DCD: variants seen among roughly 807,000 people sequenced by gnomAD.
The protein encoded by DCD is dermcidin, also known as diffusible survival/evasion peptide.
Under a neutral mutation model 14.5 loss-of-function variants are expected in DCD, and 17 were observed. The observed-to-expected ratio is 1.18, with a 90% CI of 0.81 to 1.76. DCD has a LOEUF of 1.76. Among genes scored for constraint, DCD ranks in the 40% most tolerant of loss-of-function variants. The pLI is 0.00. For missense variants in DCD, 139 were observed against 133.4 expected (o/e 1.04, Z -0.21); for synonymous variants, 64 against 54.0 (o/e 1.19, Z -0.82).
At chr12:54,646,995 T>C (rs1958266224) in intron 2 of DCD, 126 bp downstream of exon 2, 1 of 907,636 alleles carries the variant, frequency 1.1e-6, no homozygotes, top group Non-Finnish European at 1.6e-6. Flanking sequence ...CCATGTCTCC[T>C]AAAAGTCGGC....
intron 3 of DCD, 23 bp downstream of exon 3, chr12:54,645,583 C>A (rs1249903947): frequency 6.3e-7 from 1 of 1,599,738 alleles, no homozygotes; most frequent in African/African-American, 1.3e-5. Flanking sequence ...AATTCTATAC[C>A]AGGCATTGGG....
chr12:54,646,066 C>A (rs889515956), intron 2 of DCD: 23 of 459,638 alleles, frequency 5.0e-5, no homozygotes, highest in Non-Finnish European at 7.8e-5. Context: ...TAGCTTCTCT[C>A]TTCTAGGCAG....
intron 1 of DCD, among the ~76,000 whole-genome samples, chr12:54,647,782 A>C (rs913447921): frequency 1.2e-4 from 18 of 152,172 alleles, no homozygotes; most frequent in African/African-American, 4.1e-4. Flanking sequence ...AAGAAAATGC[A>C]AAATAGGGGC....
chr12:54,645,102 C>G, intron 4 of DCD, 71 bp downstream of exon 4: 1 of 1,543,332 alleles, frequency 6.5e-7, no homozygotes, highest in Non-Finnish European at 9.0e-7. Flanking sequence ...GGGGCTGTGG[C>G]AGTTTCAGAT....
Position 54,645,958 on chromosome 12 carries a change from TAA to T in DCD, c.98-253_98-252del, listed in dbSNP as rs139019728. 3.6e-3 allele frequency: 1,903 copies of T among 525,956 alleles called. 35 individuals carry two copies. The highest frequency in any genetic ancestry group is 0.031 in the African/African-American group (1,635 of 52,322). 32.6% of individuals were successfully genotyped at this position (525,956 alleles called of 1,614,324 possible). A position where few individuals can be genotyped will look rare whatever the true frequency, so the allele number is the denominator to read the frequency against. ...GAGTAGATTATGGTTCAGGGAAAAG[TAA>T]AGTCATTTTGGCAGAAAGATCACCT... On this transcript the variant is annotated intron_variant, in intron 2 of 4. Coordinates refer to ENST00000293371, the MANE Select transcript of DCD (RefSeq NM_053283.4).
intron 1 of DCD, 86 bp from the exon 2 acceptor site, chr12:54,647,245 C>T: frequency 7.5e-7 from 1 of 1,338,054 alleles, no homozygotes. Flanking sequence ...ATTCCCAGGC[C>T]TCTAATCTCA....
intron 4 of DCD, 154 bp downstream of exon 4, chr12:54,645,019 C>G: frequency 6.7e-7 from 1 of 1,499,280 alleles, no homozygotes. Context: ...CAATATCAGA[C>G]AAGAATGGCA....
chr12:54,645,581 A>G (rs1396473394), intron 3 of DCD, 25 bp downstream of exon 3: 9 of 1,595,674 alleles, frequency 5.6e-6, no homozygotes, highest in Non-Finnish European at 7.7e-6. Flanking sequence ...AGAATTCTAT[A>G]CCAGGCATTG....
In DCD at chr12:54,648,293, A is replaced by G. The variant is rs371654950; in HGVS notation, c.11T>C (p.Met4Thr). Reference protein sequence around the residue: MRFMTLLFLTALAG... With the variant: MRFTTLLFLTALAG... ...CAGAGCTGTCAGGAAGAGGAGAGTCATGAACCTCATGCTTCTGTGTGCTGG... is the reference window on the plus strand; with the variant it reads ...CAGAGCTGTCAGGAAGAGGAGAGTCGTGAACCTCATGCTTCTGTGTGCTGG... The change falls in exon 1 of 5, where the codon ATG becomes ACG. Residue 4 changes from methionine (M) to threonine (T), a missense_variant. Coordinates refer to ENST00000293371, the MANE Select transcript of DCD (RefSeq NM_053283.4). The G allele has an allele frequency of 5.0e-6, 8 of 1,613,878 alleles. No individual in the cohort carries two copies. Among genetic ancestry groups the G allele is most frequent in the South Asian group, 1.1e-5 (1 of 91,072 alleles).
At position 54,644,752 on chromosome 12, in the gene DCD, G is replaced by C. The variant is rs139716642; in HGVS notation, c.294C>G (p.Ala98=). ...CAAGGACGTCTTTAACGTCATGGAC[G>C]GCTCCTAGGACAGCCACAGAAAAAA... ...VEDLESVGKG[A]VHDVKDVLDS... The change falls in exon 5 of 5, where the codon GCC becomes GCG. Residue 98 remains alanine, a synonymous_variant. Coordinates refer to ENST00000293371, the MANE Select transcript of DCD (RefSeq NM_053283.4). 6.2e-7 allele frequency: 1 copy of C among 1,606,086 alleles called. No individual in the cohort carries two copies. The highest frequency in any genetic ancestry group is 8.5e-7 in the Non-Finnish European group (1 of 1,175,712).
intron 3 of DCD, 115 bp from the exon 4 acceptor site, chr12:54,645,377 T>A: frequency 9.2e-7 from 1 of 1,085,154 alleles, no homozygotes; most frequent in South Asian, 1.3e-5. Flanking sequence ...GTGGTTTTGC[T>A]GAAGGAACCA....
At chr12:54,645,749 T>C in intron 2 of DCD, 42 bp from the exon 3 acceptor site, 2 of 1,558,262 alleles carry the variant, frequency 1.3e-6, no homozygotes, top group Non-Finnish European at 1.8e-6. Flanking sequence ...GCTATTTCAC[T>C]CTTTCCACCC....
At chr12:54,647,239 C>T (rs1378328766) in intron 1 of DCD, 80 bp from the exon 2 acceptor site, 1 of 1,390,184 alleles carries the variant, frequency 7.2e-7, no homozygotes, top group African/African-American at 1.4e-5. Flanking sequence ...CCTAGAATTC[C>T]CAGGCCTCTA....
In DCD at chr12:54,644,624, A is replaced by ATT. The variant is rs11338265; in HGVS notation, c.*87_*88dup. The ATT allele has an allele frequency of 0.015, 9,443 of 649,470 alleles. 260 individuals carry two copies. Among genetic ancestry groups the ATT allele is most frequent in the African/African-American group, 0.11 (4,919 of 46,328 alleles). 40.2% of individuals were successfully genotyped at this position (649,470 alleles called of 1,614,324 possible). On this transcript the variant is annotated 3_prime_UTR_variant, in exon 5 of 5. Transcript: ENST00000293371. Reference sequence around the variant, plus strand: ...GCTTTCAGTTTAATAGCTGTTTTAAATTTTTTTTTTTTTTTTTTTTTTTAG... The same window carrying ATT: ...GCTTTCAGTTTAATAGCTGTTTTAAATTTTTTTTTTTTTTTTTTTTTTTTTAG...
At position 54,648,169 on chromosome 12, in the gene DCD, A is replaced by G. The variant is rs1032189057; in HGVS notation, c.58+77T>C. 11 of 1,531,796 alleles carry G rather than the reference A, an allele frequency of 7.2e-6. No individual in the cohort carries two copies. The Admixed American group carries it at 1.7e-4, about 24-fold the overall frequency. The allele number at this position is 1,531,796 out of a possible 1,614,324, so 94.9% of individuals were successfully genotyped here. A position where few individuals can be genotyped will look rare whatever the true frequency, so the allele number is the denominator to read the frequency against. On this transcript the variant is annotated intron_variant, in intron 1 of 4. Transcript: ENST00000293371. ...CTTGGGTGAACTGCCTCTGGCGAGG[A>G]GGGGAAGGGGAAATGAAGGCAGGGC...
chr12:54,645,887 C>T (rs1354732681), intron 2 of DCD, 180 bp from the exon 3 acceptor site: 2 of 593,306 alleles, frequency 3.4e-6, no homozygotes, highest in African/African-American at 1.9e-5. Context: ...CAAGCTTTTT[C>T]CTGCTGCCTC....
At chr12:54,647,458 G>T (rs576963557) in intron 1 of DCD, among the ~76,000 whole-genome samples, 19 of 152,262 alleles carry the variant, frequency 1.2e-4, no homozygotes, top group African/African-American at 3.9e-4. Context: ...AAAGTTGAAG[G>T]GGCATGACCA....
intron 4 of DCD, 142 bp from the exon 5 acceptor site, chr12:54,644,898 G>A (rs914425854): frequency 3.2e-6 from 5 of 1,550,560 alleles, no homozygotes; most frequent in African/African-American, 2.7e-5. Flanking sequence ...AAGTCAGAGG[G>A]ATGGAGGTTA....
intron 3 of DCD, 66 bp from the exon 4 acceptor site, chr12:54,645,328 C>A (rs1240282459): frequency 6.8e-7 from 1 of 1,480,100 alleles, no homozygotes; most frequent in African/African-American, 1.4e-5. Flanking sequence ...TAGGAGAGCT[C>A]CCCCGCTTCC....
Sources: allele counts gnomAD v4.1 joint callset (sites outside exome capture counted in the v4.1 genomes callset), GRCh38; gene constraint gnomAD v4.1.1; transcripts MANE v1.5; gene names NCBI Gene and HGNC (gene_info 2026-07-23, HGNC 2026-07-21).